The following BICC1 variants were observed in gnomAD, a reference collection of about 807,000 sequenced individuals.
The protein encoded by BICC1 is protein bicaudal C homolog 1.
BICC1 carries 43 observed loss-of-function variants against 111.0 expected under a neutral mutation model. The ratio of observed to expected loss-of-function variants is 0.39; its 90% CI spans 0.30 to 0.50. BICC1 has a LOEUF of 0.50. BICC1 is among the 20% of genes least tolerant of loss of function. The pLI is 0.88. For synonymous variants in BICC1, 467 were observed against 434.4 expected (o/e 1.07, Z -0.93); for missense variants, 1,091 against 1,203.2 (o/e 0.91, Z 1.38).
chr10:58,592,574 G>A (rs1844657418), intron 1 of BICC1, among the ~76,000 whole-genome samples: 1 of 151,810 alleles, frequency 6.6e-6, no homozygotes, highest in Non-Finnish European at 1.5e-5. Flanking sequence ...AGATGGGCGT[G>A]GTTGGTGGCG....
At chr10:58,620,736 G>A (rs1047924611) in intron 1 of BICC1, 119 bp from the exon 2 acceptor site, 2 of 849,494 alleles carry the variant, frequency 2.4e-6, no homozygotes, top group African/African-American at 3.4e-5. Flanking sequence ...CAGGCACTGA[G>A]CTGTGGGAGA....
chr10:58,729,868 C>T (rs1841233618), intron 3 of BICC1, among the ~76,000 whole-genome samples: 1 of 152,204 alleles, frequency 6.6e-6, no homozygotes, highest in Non-Finnish European at 1.5e-5. Context: ...AGTTGCCTCC[C>T]ACCAGGCCCC....
At chr10:58,748,353 T>C (rs780846567) in intron 3 of BICC1, among the ~76,000 whole-genome samples, 11 of 151,946 alleles carry the variant, frequency 7.2e-5, no homozygotes, top group South Asian at 6.2e-4. Flanking sequence ...ACATTCTTGA[T>C]ACATTGAGAT....
intron 2 of BICC1, among the ~76,000 whole-genome samples, chr10:58,697,463 T>G (rs1031900176): frequency 6.6e-6 from 1 of 152,232 alleles, no homozygotes; most frequent in Non-Finnish European, 1.5e-5. Context: ...TGAAATTTTT[T>G]TAGAGATCAA....
At chr10:58,541,409 A>G (rs1842977437) in intron 1 of BICC1, among the ~76,000 whole-genome samples, 1 of 152,148 alleles carries the variant, frequency 6.6e-6, no homozygotes, top group African/African-American at 2.4e-5. Context: ...TATACTCAGC[A>G]ATGACCAATC....
intron 3 of BICC1, among the ~76,000 whole-genome samples, chr10:58,705,154 T>TC (rs1463190528): frequency 6.6e-6 from 1 of 152,210 alleles, no homozygotes; most frequent in South Asian, 2.1e-4. Context: ...GCTTAGTAGT[T>TC]CTGAGGCTGG....
At chr10:58,597,549 C>A (rs1417839173) in intron 1 of BICC1, among the ~76,000 whole-genome samples, 1 of 152,066 alleles carries the variant, frequency 6.6e-6, no homozygotes, top group African/African-American at 2.4e-5. Context: ...AGCAGAGAAC[C>A]AGTGTGACCA....
intron 1 of BICC1, among the ~76,000 whole-genome samples, chr10:58,560,778 G>A (rs920302822): frequency 6.6e-6 from 1 of 151,536 alleles, no homozygotes; most frequent in African/African-American, 2.4e-5. Flanking sequence ...AATTTTTTTT[G>A]TTTTCTTCTT....
intron 3 of BICC1, among the ~76,000 whole-genome samples, chr10:58,704,331 G>T (rs1336470775): frequency 6.6e-6 from 1 of 152,158 alleles, no homozygotes; most frequent in East Asian, 1.9e-4. Context: ...AGAGAACATG[G>T]AAGGGAGAGA....
At chr10:58,645,406 CAAAAAAAAAA>C (rs57417702) in intron 2 of BICC1, among the ~76,000 whole-genome samples, 1 of 73,332 alleles carries the variant, frequency 1.4e-5, no homozygotes, top group African/African-American at 5.7e-5. Context: ...GACTCCATCT[CAAAAAAAAAA>C]AAAAAAAAAA....
chr10:58,636,190 A>G (rs1361285397), intron 2 of BICC1, among the ~76,000 whole-genome samples: 8 of 152,210 alleles, frequency 5.3e-5, no homozygotes, highest in African/African-American at 1.9e-4. Flanking sequence ...TAGCAAGTGT[A>G]CAAAGGAGGA....
intron 2 of BICC1, among the ~76,000 whole-genome samples, chr10:58,664,088 G>A (rs114146881): frequency 2.7e-4 from 41 of 152,294 alleles, no homozygotes; most frequent in African/African-American, 9.6e-4. Context: ...GCCTTGGAGT[G>A]TAATTGTTGG....
intron 1 of BICC1, among the ~76,000 whole-genome samples, chr10:58,576,180 A>G (rs899681124): frequency 6.6e-6 from 1 of 152,170 alleles, no homozygotes; most frequent in Non-Finnish European, 1.5e-5. Context: ...TTGCCTTCCA[A>G]ACCTTTCAGG....
At chr10:58,653,675 C>T (rs1434081087) in intron 2 of BICC1, among the ~76,000 whole-genome samples, 1 of 6,992 alleles carries the variant, frequency 1.4e-4, no homozygotes, top group Non-Finnish European at 6.0e-4. Context: ...AAGTATTGTT[C>T]TTTCTTTTTT....
intron 3 of BICC1, among the ~76,000 whole-genome samples, chr10:58,762,305 G>C (rs537464660): frequency 1.3e-5 from 2 of 152,092 alleles, no homozygotes; most frequent in Non-Finnish European, 2.9e-5. Context: ...GAGAAAATAT[G>C]GTCAAACATT....
intron 3 of BICC1, among the ~76,000 whole-genome samples, chr10:58,741,315 A>G (rs1252362616): frequency 6.6e-6 from 1 of 152,176 alleles, no homozygotes; most frequent in East Asian, 1.9e-4. Flanking sequence ...TATGGATTAT[A>G]TATGATCAAT....
chr10:58,677,492 T>A (rs1296162938), intron 2 of BICC1, among the ~76,000 whole-genome samples: 1 of 151,948 alleles, frequency 6.6e-6, no homozygotes, highest in Non-Finnish European at 1.5e-5. Flanking sequence ...AAGATAAGAT[T>A]AGAGAAAAAA....
At chr10:58,589,514 C>G (rs1323571390) in intron 1 of BICC1, among the ~76,000 whole-genome samples, 11 of 151,346 alleles carry the variant, frequency 7.3e-5, no homozygotes, top group Non-Finnish European at 1.3e-4. Flanking sequence ...CTTTGTCACT[C>G]AAGCTGGAGT....
At chr10:58,766,961 C>G (rs191702694) in intron 3 of BICC1, among the ~76,000 whole-genome samples, 167 of 151,288 alleles carry the variant, frequency 1.1e-3, no homozygotes, top group African/African-American at 3.8e-3. Flanking sequence ...ATGGGGGTGG[C>G]GGAAATCACA....
Sources: allele counts gnomAD v4.1 joint callset (sites outside exome capture counted in the v4.1 genomes callset), GRCh38; gene constraint gnomAD v4.1.1; transcripts MANE v1.5; gene names NCBI Gene and HGNC (gene_info 2026-07-23, HGNC 2026-07-21).